The following DMKN variants were observed in gnomAD, a reference collection of about 807,000 sequenced individuals.
The protein encoded by DMKN is dermokine, also known as epidermis-specific secreted protein SK30/SK89.
DMKN carries 58 observed loss-of-function variants against 67.6 expected under a neutral mutation model. The observed-to-expected ratio is 0.86, with a 90% CI of 0.69 to 1.07. The LOEUF (loss-of-function observed/expected upper bound fraction) is 1.07. DMKN is among the 50% of genes least tolerant of loss of function. The pLI, the probability that DMKN is intolerant of heterozygous loss-of-function variation, is 0.00. For missense variants in DMKN, 596 were observed against 601.5 expected (o/e 0.99, Z 0.10); for synonymous variants, 240 against 232.3 (o/e 1.03, Z -0.30).
At chr19:35,506,308 TA>T in intron 7 of DMKN, 1 of 970,824 alleles carries the variant, frequency 1.0e-6, no homozygotes, top group Non-Finnish European at 1.5e-6. Flanking sequence ...CTCCTCTCTA[TA>T]AAGCTGCCTT....
At position 35,506,443 on chromosome 19, in the gene DMKN, T is replaced by A. The variant is rs1019173088; in HGVS notation, c.1039-457A>T. The A allele has an allele frequency of 6.2e-6, 4 of 649,200 alleles. No individual in the cohort carries two copies. The Admixed American group carries it at 8.3e-5, about 13-fold the overall frequency. The allele number at this position is 649,200 out of a possible 1,614,324, so 40.2% of individuals were successfully genotyped here. ...AGACTCTTGCCTCCATCCTGGTCTG[T>A]CCCCAAAACACCTCAAGCAAATGAG... On this transcript the variant is annotated intron_variant, in intron 7 of 15. Coordinates refer to ENST00000339686, the MANE Select transcript of DMKN (RefSeq NM_033317.5).
intron 13 of DMKN, 167 bp from the exon 14 acceptor site, chr19:35,499,064 A>C: frequency 1.1e-6 from 1 of 922,300 alleles, no homozygotes; most frequent in Non-Finnish European, 1.7e-6. Context: ...TTGGTTTCAC[A>C]GCACGTTTAT....
intron 11 of DMKN, 74 bp downstream of exon 11, chr19:35,502,058 GGACA>G: frequency 6.2e-7 from 1 of 1,607,596 alleles, no homozygotes. Flanking sequence ...GAAGAAACTG[GGACA>G]GACACCTGGG....
intron 13 of DMKN, 92 bp downstream of exon 13, chr19:35,499,866 A>T: frequency 2.8e-6 from 4 of 1,432,450 alleles, no homozygotes; most frequent in Non-Finnish European, 3.9e-6. Flanking sequence ...GGCCTCCGGC[A>T]ACCAACCGAG....
chr19:35,510,499 C>G, intron 5 of DMKN: 12 of 1,549,588 alleles, frequency 7.7e-6, no homozygotes, highest in Non-Finnish European at 1.0e-5. Context: ...TGCTGCCCAC[C>G]GCAGGCCGGG....
intron 7 of DMKN, chr19:35,506,351 T>C (rs990174665): frequency 2.9e-6 from 2 of 683,166 alleles, no homozygotes; most frequent in Non-Finnish European, 4.9e-6. Flanking sequence ...AAAGTTCACT[T>C]GGGAAAGCTT....
rs115967726 is a variant in DMKN, at chr19:35,512,314, C to T, written c.684+107G>A. 4.2e-5 allele frequency: 61 copies of T among 1,457,154 alleles called. No homozygotes were observed. In the African/African-American group the frequency reaches 7.1e-4, roughly 17 times the overall value. The allele number at this position is 1,457,154 out of a possible 1,614,324, so 90.3% of individuals were successfully genotyped here. A position where few individuals can be genotyped will look rare whatever the true frequency, so the allele number is the denominator to read the frequency against. On this transcript the variant is annotated intron_variant, in intron 3 of 15. Coordinates refer to ENST00000339686, the MANE Select transcript of DMKN (RefSeq NM_033317.5). ...CGCCCAGCCCCATCTCTTCCTCTCA[C>T]CCCAATCCCTCCACTCCCCCATCTT... is the stretch of plus-strand genomic sequence containing the variant.
intron 12 of DMKN, 124 bp downstream of exon 12, chr19:35,500,409 C>T: frequency 6.4e-7 from 1 of 1,552,180 alleles, no homozygotes; most frequent in Non-Finnish European, 8.7e-7. Context: ...CTCCTGCCAT[C>T]CTGCACCCGG....
At chr19:35,506,370 TG>T in intron 7 of DMKN, 3 of 641,620 alleles carry the variant, frequency 4.7e-6, no homozygotes, top group South Asian at 3.7e-5. Flanking sequence ...TTTCTTAGAA[TG>T]GATTGCTCCC....
chr19:35,504,757 G>T (rs2069117025), intron 9 of DMKN, among the ~76,000 whole-genome samples: 1 of 151,652 alleles, frequency 6.6e-6, no homozygotes, highest in Non-Finnish European at 1.5e-5. Context: ...TACATTAAAG[G>T]CCAGAAACTC....
chr19:35,507,989 G>A, intron 7 of DMKN: 1 of 571,510 alleles, frequency 1.7e-6, no homozygotes, highest in Non-Finnish European at 3.0e-6. Context: ...AGACTGGCTG[G>A]TCCCCTCTTA....
chr19:35,508,748 CA>C (rs2070105984), intron 7 of DMKN, among the ~76,000 whole-genome samples: 1 of 152,024 alleles, frequency 6.6e-6, no homozygotes, highest in Admixed American at 6.6e-5. Flanking sequence ...GACTAGACAG[CA>C]TATAGGAAAA....
chr19:35,512,884 G>C (rs1264575537), intron 1 of DMKN, 94 bp from the exon 2 acceptor site: 24 of 1,518,718 alleles, frequency 1.6e-5, no homozygotes, highest in Non-Finnish European at 2.1e-5. Flanking sequence ...GAGAGAGACA[G>C]GCAGAGGGAC....
intron 9 of DMKN, chr19:35,503,378 G>C: frequency 6.4e-7 from 1 of 1,551,304 alleles, no homozygotes; most frequent in African/African-American, 1.4e-5. Flanking sequence ...TAAGGAGGGA[G>C]TGTGGGGGCT....
chr19:35,498,677 G>T, intron 15 of DMKN, 39 bp downstream of exon 15: 1 of 1,612,934 alleles, frequency 6.2e-7, no homozygotes, highest in Non-Finnish European at 8.5e-7. Flanking sequence ...TGCCTCCACT[G>T]CCAGGATGTG....
intron 7 of DMKN, 51 bp downstream of exon 7, chr19:35,509,860 C>T: frequency 6.2e-7 from 1 of 1,608,974 alleles, no homozygotes; most frequent in South Asian, 1.1e-5. Context: ...TGGGCACAGT[C>T]CTGGGCAGGA....
At position 35,513,175 on chromosome 19, in the gene DMKN, C is replaced by T. The variant is rs1445353195; in HGVS notation, c.301G>A (p.Glu101Lys). ...GTGTTTCCCAGAGCATGGGCTGCTTCCCCGACCCTGTTGCCCAAAGCATCT... is the reference window on the plus strand; with the variant it reads ...GTGTTTCCCAGAGCATGGGCTGCTTTCCCGACCCTGTTGCCCAAAGCATCT... ...VADALGNRVG[E>K]AAHALGNTGH... Residue 101 changes from glutamate to lysine, a missense_variant, in exon 1 of 16, where the codon GAA (glutamate) becomes AAA (lysine). Physicochemically the swap from Glu to Lys is moderately conservative, Grantham distance 56. Coordinates refer to ENST00000339686, the MANE Select transcript of DMKN (RefSeq NM_033317.5). 5 of 1,614,096 alleles carry T rather than the reference C, an allele frequency of 3.1e-6. No individual in the cohort carries two copies. Among genetic ancestry groups the T allele is most frequent in the Non-Finnish European group, 4.2e-6 (5 of 1,180,036 alleles).
At position 35,510,107 on chromosome 19, in the gene DMKN, C is replaced by T. The variant is rs1486018730; in HGVS notation, c.987+77G>A. 4.5e-6 allele frequency: 7 copies of T among 1,564,416 alleles called. No homozygotes were observed. In the South Asian group the frequency reaches 4.6e-5, roughly 10 times the overall value. Reference sequence around the variant, plus strand: ...GCCCCATCTCCGCGGAGCCTTGGCTCCCCGATCCTGCGAGTGAAACCAGCT... The same window carrying T: ...GCCCCATCTCCGCGGAGCCTTGGCTTCCCGATCCTGCGAGTGAAACCAGCT... On this transcript the variant is annotated intron_variant, in intron 6 of 15. Transcript: ENST00000339686.
chr19:35,508,061 C>G, intron 7 of DMKN: 1 of 1,059,864 alleles, frequency 9.4e-7, no homozygotes, highest in Non-Finnish European at 1.4e-6. Flanking sequence ...CCAGACCCAT[C>G]AGTACTTCCT....
Sources: gnomAD v4.1 joint callset for allele counts (sites outside exome capture counted in the v4.1 genomes callset) on GRCh38, gnomAD v4.1.1 for gene constraint, MANE v1.5 for transcripts, NCBI Gene and HGNC (gene_info 2026-07-23, HGNC 2026-07-21) for gene names.